The following PLXNA1 variants were observed in gnomAD, a reference collection of about 807,000 sequenced individuals.
PLXNA1 encodes the protein plexin A1.
Under a neutral mutation model 191.7 loss-of-function variants are expected in PLXNA1, and 77 were observed. That is an observed-to-expected ratio of 0.40 (90% CI 0.33 to 0.49). PLXNA1 has a LOEUF of 0.49. Among genes scored for constraint, PLXNA1 ranks in the 20% least tolerant of loss-of-function variants. The pLI is 0.63. For missense variants in PLXNA1, 2,110 were observed against 2,660.2 expected, an observed-to-expected ratio of 0.79 and a Z score of 4.55; for synonymous variants, 1,137 against 1,156.4, an observed-to-expected ratio of 0.98 and a Z score of 0.34.
At position 127,036,212 on chromosome 3, in the gene PLXNA1, T is replaced by A. The variant is rs2079242074; in HGVS notation, c.*2195T>A. 1 of 152,758 alleles carries A rather than the reference T, an allele frequency of 6.5e-6. No homozygotes were observed. Among genetic ancestry groups the A allele is most frequent in the Non-Finnish European group, 1.5e-5 (1 of 68,114 alleles). 9.5% of individuals were successfully genotyped at this position (152,758 alleles called of 1,614,324 possible). ...CTGGCTTCAGGTTGAAGTCCCTGGT[T>A]CTTCCAGTTCCTCACGGGTTAGGTA... On this transcript the variant is annotated 3_prime_UTR_variant, in exon 32 of 32. Coordinates refer to ENST00000393409, the MANE Select transcript of PLXNA1 (RefSeq NM_032242.4).
At position 127,016,949 on chromosome 3, in the gene PLXNA1, G is replaced by A; in HGVS notation, c.3188G>A (p.Gly1063Glu). The A allele has an allele frequency of 6.2e-7, 1 of 1,612,894 alleles. No individual in the cohort carries two copies. The highest frequency in any genetic ancestry group is 8.5e-7 in the Non-Finnish European group (1 of 1,179,664). Reference protein sequence around the residue: ...IDPEWSINSGGTLLTVTGTNL... With the variant: ...IDPEWSINSGETLLTVTGTNL... ...CCACCCCTGTCCTGTTCCAGCGGTG[G>A]GACCCTCCTGACGGTCACAGGCACC... Residue 1063 changes from glycine (G) to glutamate (E), a missense_variant, in exon 17 of 32, where the codon GGG becomes GAG. Around this residue, in one of 4 missense-constraint regions of PLXNA1, gnomAD observed 644 missense variants for 714.3 expected, o/e 0.90. Transcript: ENST00000393409.
chr3:127,013,796 G>A (rs988640312), intron 10 of PLXNA1, among the ~76,000 whole-genome samples: 44 of 152,356 alleles, frequency 2.9e-4, no homozygotes, highest in African/African-American at 9.4e-4. Flanking sequence ...ACTGTGGGAA[G>A]CACAGAGGTT....
rs192609841 is a variant in PLXNA1 at position 127,010,972 on chromosome 3, G to A, written c.2113-986G>A. On this transcript the variant is annotated intron_variant, in intron 9 of 31. Transcript: ENST00000393409. ...ACTGAAAGGAGTCTCAGTGCCCTGAGCCACCCGTTTTCATGGCTGGGGCCC... is the reference window on the plus strand; with the variant it reads ...ACTGAAAGGAGTCTCAGTGCCCTGAACCACCCGTTTTCATGGCTGGGGCCC... 1.6e-4 allele frequency among the ~76,000 whole-genome samples: 24 copies of A among 152,306 alleles called. No homozygotes were observed. The East Asian group carries it at 4.4e-3, about 28-fold the overall frequency.
chr3:126,988,946 T>C lies in PLXNA1; in HGVS notation c.353T>C (p.Leu118Pro). 6.2e-7 allele frequency: 1 copy of C among 1,613,256 alleles called. No homozygotes were observed. The stretch of plus-strand genomic sequence containing the variant: ...AGTACTGACAACGTCAACAAGCTGC[T>C]GCTGCTGGACTATGCCGCTAACCGC... ...LGSTDNVNKL[L>P]LLDYAANRLL... The change falls in exon 2 of 32, where the codon CTG becomes CCG. Residue 118 changes from leucine (L) to proline (P), a missense_variant. By Grantham distance (98) the Leu-to-Pro change is moderately conservative. Transcript: ENST00000393409.
chr3:127,004,156 A>T (rs1224413021), intron 4 of PLXNA1, among the ~76,000 whole-genome samples: 3 of 152,172 alleles, frequency 2.0e-5, no homozygotes, highest in Non-Finnish European at 2.9e-5. Flanking sequence ...TGGGGACCTC[A>T]GGGACGTGCC....
chr3:127,020,665 C>T (rs2079147841), intron 21 of PLXNA1, among the ~76,000 whole-genome samples: 1 of 152,228 alleles, frequency 6.6e-6, no homozygotes, highest in Non-Finnish European at 1.5e-5. Context: ...GGCCTCATCC[C>T]AGCAAACCAC....
chr3:127,011,459 C>T (rs942213627), intron 9 of PLXNA1, among the ~76,000 whole-genome samples: 2 of 152,222 alleles, frequency 1.3e-5, no homozygotes, highest in African/African-American at 4.8e-5. Context: ...CTATTTAAAG[C>T]CCAGCTTCTC....
intron 10 of PLXNA1, among the ~76,000 whole-genome samples, chr3:127,012,757 G>A (rs561723996): frequency 1.2e-4 from 18 of 152,358 alleles, no homozygotes; most frequent in African/African-American, 3.6e-4. Flanking sequence ...GTTCAGTGAC[G>A]GGATCTCTAT....
At position 127,012,062 on chromosome 3, in the gene PLXNA1, G is replaced by A. The variant is rs933505667; in HGVS notation, c.2217G>A (p.Gln739=). Residue 739 remains glutamine, a synonymous_variant, in exon 10 of 32, where the codon CAG becomes CAA. Transcript: ENST00000393409. ...ARNLPQPQSG[Q]RGYECLFHIP... is the part of the protein sequence containing the mutation. The stretch of plus-strand genomic sequence containing the variant: ...ACCTGCCACAGCCACAGTCAGGCCA[G>A]CGTGGATATGAGTGCCTCTTCCACA... 5.0e-6 allele frequency: 8 copies of A among 1,613,710 alleles called. No homozygotes were observed. In the African/African-American group the frequency reaches 5.3e-5, roughly 11 times the overall value.
At chr3:126,990,547 C>T (rs2078985096) in intron 2 of PLXNA1, among the ~76,000 whole-genome samples, 1 of 152,216 alleles carries the variant, frequency 6.6e-6, no homozygotes, top group African/African-American at 2.4e-5. Flanking sequence ...TCGGCCCAGA[C>T]CTGGGACCCC....
chr3:127,019,208 G>A (rs2079140787), intron 20 of PLXNA1, among the ~76,000 whole-genome samples: 2 of 149,714 alleles, frequency 1.3e-5, no homozygotes, highest in African/African-American at 4.8e-5. Flanking sequence ...TTAGCCATGT[G>A]GTCCAGCATG....
In PLXNA1 at chr3:127,014,244, C is replaced by T. The variant is rs1266858113; in HGVS notation, c.2473C>T (p.Arg825Cys). 3.7e-6 allele frequency: 6 copies of T among 1,603,276 alleles called. No homozygotes were observed. The highest frequency in any genetic ancestry group is 5.1e-6 in the Non-Finnish European group (6 of 1,175,406). Residue 825 changes from arginine to cysteine, a missense_variant, in exon 12 of 32, where the codon CGC (arginine) becomes TGC (cysteine). Arg to Cys is a radical substitution (Grantham distance 180). This residue lies in a region of PLXNA1 where 644 missense variants were observed against 714.3 expected (regional missense o/e 0.90). Coordinates refer to ENST00000393409, the MANE Select transcript of PLXNA1 (RefSeq NM_032242.4). Reference protein sequence around the residue: ...SCGLCLKADPRFECGWCVAER... With the variant: ...SCGLCLKADPCFECGWCVAER... Reference sequence around the variant, plus strand: ...CGGCCTCTGCCTCAAGGCCGACCCGCGCTTCGAGTGCGGATGGTGCGTGGC... The same window carrying T: ...CGGCCTCTGCCTCAAGGCCGACCCGTGCTTCGAGTGCGGATGGTGCGTGGC...
At chr3:126,991,232 C>T in intron 2 of PLXNA1, 152 bp from the exon 3 acceptor site, 1 of 768,114 alleles carries the variant, frequency 1.3e-6, no homozygotes, top group East Asian at 2.8e-5. Flanking sequence ...CTGCTCCCTC[C>T]TGTCTTAAAC....
chr3:127,007,154 G>A (rs1414848268), intron 8 of PLXNA1, among the ~76,000 whole-genome samples: 2 of 152,174 alleles, frequency 1.3e-5, no homozygotes, highest in African/African-American at 2.4e-5. Flanking sequence ...TGGGGGAGCT[G>A]GCGGGTCAGG....
intron 10 of PLXNA1, 46 bp from the exon 11 acceptor site, chr3:127,013,974 T>TG: frequency 6.4e-7 from 1 of 1,574,154 alleles, no homozygotes; most frequent in Non-Finnish European, 8.7e-7. Flanking sequence ...TTGGGAGGCC[T>TG]GGAGGCCGCT....
chr3:126,990,595 T>G (rs1389234839), intron 2 of PLXNA1, among the ~76,000 whole-genome samples: 3 of 152,312 alleles, frequency 2.0e-5, no homozygotes, highest in African/African-American at 4.8e-5. Flanking sequence ...TGGGGGTCGC[T>G]GGCCATCGCA....
At chr3:126,991,738 C>T (rs1229433419) in intron 3 of PLXNA1, among the ~76,000 whole-genome samples, 172 bp downstream of exon 3, 1 of 152,142 alleles carries the variant, frequency 6.6e-6, no homozygotes, top group Non-Finnish European at 1.5e-5. Flanking sequence ...TGAAGGGCCC[C>T]ACTCCCCTCT....
At chr3:126,992,609 A>G (rs892027908) in intron 3 of PLXNA1, among the ~76,000 whole-genome samples, 4 of 151,358 alleles carry the variant, frequency 2.6e-5, no homozygotes, top group African/African-American at 9.7e-5. Flanking sequence ...GAAATAAGCC[A>G]GATGTTCAGG....
intron 9 of PLXNA1, among the ~76,000 whole-genome samples, chr3:127,011,629 G>A (rs373473535): frequency 1.4e-4 from 21 of 152,210 alleles, no homozygotes; most frequent in African/African-American, 2.4e-4. Flanking sequence ...GGCCCCCAGC[G>A]CAGAGCCTGC....
Sources: allele counts gnomAD v4.1 joint callset (sites outside exome capture counted in the v4.1 genomes callset), GRCh38; gene constraint gnomAD v4.1.1; regional missense constraint gnomAD v4.1.1; transcripts MANE v1.5; gene names NCBI Gene and HGNC (gene_info 2026-07-23, HGNC 2026-07-21).